CORO2A: variants seen among roughly 807,000 people sequenced by gnomAD.
The protein encoded by CORO2A is coronin-2A.
CORO2A carries 47 observed loss-of-function variants against 62.4 expected under a neutral mutation model. The observed-to-expected ratio is 0.75, with a 90% CI of 0.60 to 0.96. The LOEUF is 0.96. CORO2A is among the 40% of genes least tolerant of loss of function. The probability of loss-of-function intolerance (pLI) is 0.00; values close to 1 mark genes in which losing one functional copy is unlikely to be tolerated. For missense variants in CORO2A, 610 were observed against 684.1 expected, an observed-to-expected ratio of 0.89 and a Z score of 1.21; for synonymous variants, 273 against 268.9, an observed-to-expected ratio of 1.02 and a Z score of -0.15.
chr9:98,135,447 G>A (rs2118818388), intron 3 of CORO2A, among the ~76,000 whole-genome samples: 1 of 152,306 alleles, frequency 6.6e-6, no homozygotes, highest in East Asian at 1.9e-4. Flanking sequence ...CTTTGGAGGT[G>A]CACCCTGGAT....
At chr9:98,185,096 C>T (rs1387409097) in intron 1 of CORO2A, among the ~76,000 whole-genome samples, 1 of 152,178 alleles carries the variant, frequency 6.6e-6, no homozygotes, top group Non-Finnish European at 1.5e-5. Context: ...CCTTCATAGT[C>T]TGGCCGTCTC....
intron 1 of CORO2A, among the ~76,000 whole-genome samples, chr9:98,158,468 T>C (rs1827837135): frequency 6.6e-6 from 1 of 152,160 alleles, no homozygotes; most frequent in African/African-American, 2.4e-5. Context: ...AGCCTTATAT[T>C]TGTTCACTCA....
Position 98,157,594 on chromosome 9 carries a change from C to T in CORO2A, c.67G>A (p.Glu23Lys). 1.2e-6 allele frequency: 2 copies of T among 1,614,084 alleles called. No homozygotes were observed. The highest frequency in any genetic ancestry group is 1.7e-6 in the Non-Finnish European group (2 of 1,179,972). Residue 23 changes from glutamate (E) to lysine (K), a missense_variant, in exon 2 of 12, where the codon GAG (glutamate) becomes AAG (lysine). Glu to Lys is a moderately conservative substitution (Grantham distance 56). Coordinates refer to ENST00000375077, the MANE Select transcript of CORO2A (RefSeq NM_052820.4). ...RHVFGKPASK[E>K]NCYDSVPITR... ...ATAGGCACGGAGTCGTAGCAGTTCT[C>T]CTTGCTGGCTGGTTTGCCAAAGACA...
At chr9:98,181,357 T>TTC (rs754211156) in intron 1 of CORO2A, among the ~76,000 whole-genome samples, 1 of 147,790 alleles carries the variant, frequency 6.8e-6, no homozygotes. Flanking sequence ...TTTTTTTTTT[T>TTC]AAGAGATGAG....
chr9:98,135,932 T>C (rs903866453), intron 3 of CORO2A, among the ~76,000 whole-genome samples: 2 of 152,100 alleles, frequency 1.3e-5, no homozygotes, highest in African/African-American at 4.8e-5. Flanking sequence ...GTTTGGAAGA[T>C]GAAGGTACCA....
Position 98,130,939 on chromosome 9 carries a change from C to A in CORO2A, c.870+16G>T, listed in dbSNP as rs1259568856. On this transcript the variant is annotated intron_variant, in intron 7 of 11. Coordinates refer to ENST00000375077, the MANE Select transcript of CORO2A (RefSeq NM_052820.4). ...CAGGGGTCCAGGAGGTCACCTCCCTCCCGTGCCAAGCCGACCTTCCCCACC... is the reference window on the plus strand; with the variant it reads ...CAGGGGTCCAGGAGGTCACCTCCCTACCGTGCCAAGCCGACCTTCCCCACC... 2 of 1,608,120 alleles carry A rather than the reference C, an allele frequency of 1.2e-6. No individual in the cohort carries two copies. Among genetic ancestry groups the A allele is most frequent in the Non-Finnish European group, 1.7e-6 (2 of 1,176,150 alleles).
At chr9:98,164,190 T>G (rs530101195) in intron 1 of CORO2A, among the ~76,000 whole-genome samples, 102 of 152,334 alleles carry the variant, frequency 6.7e-4, no homozygotes, top group African/African-American at 2.4e-3. Context: ...AGTTACCCAG[T>G]TATTTCAAAA....
intron 2 of CORO2A, among the ~76,000 whole-genome samples, chr9:98,153,692 A>T (rs961602055): frequency 1.2e-4 from 17 of 145,058 alleles, no homozygotes; most frequent in African/African-American, 2.6e-4. Flanking sequence ...ACACACACAC[A>T]CTCACACACA....
chr9:98,149,818 T>G, intron 2 of CORO2A, among the ~76,000 whole-genome samples: 1 of 152,218 alleles, frequency 6.6e-6, no homozygotes, highest in East Asian at 1.9e-4. Flanking sequence ...GAGTCTGTGA[T>G]GATAGCAATT....
chr9:98,144,516 T>C (rs1827616397), intron 2 of CORO2A, among the ~76,000 whole-genome samples: 1 of 152,202 alleles, frequency 6.6e-6, no homozygotes, highest in African/African-American at 2.4e-5. Context: ...ATGCAGGTGA[T>C]GGCAGAGATG....
rs1177713500 is a variant in CORO2A at position 98,170,093 on chromosome 9, T to C, written c.1-12433A>G. On this transcript the variant is annotated intron_variant, in intron 1 of 11. Coordinates refer to ENST00000375077, the MANE Select transcript of CORO2A (RefSeq NM_052820.4). ...TTCTCATAGAATCTAGAAGATTAAA[T>C]GAAATAATGTATGTAAAAGACCTTG... is the stretch of plus-strand genomic sequence containing the variant. Among the ~76,000 whole-genome samples, 4 of 152,202 alleles carry C rather than the reference T, an allele frequency of 2.6e-5. No individual in the cohort carries two copies. In the East Asian group the frequency reaches 5.8e-4, roughly 22 times the overall value.
At chr9:98,168,732 G>C (rs1188706812) in intron 1 of CORO2A, among the ~76,000 whole-genome samples, 1 of 152,246 alleles carries the variant, frequency 6.6e-6, no homozygotes, top group African/African-American at 2.4e-5. Context: ...ACACACAACA[G>C]GTATATGCTG....
intron 1 of CORO2A, among the ~76,000 whole-genome samples, chr9:98,163,940 G>C (rs1329337847): frequency 6.6e-6 from 1 of 152,186 alleles, no homozygotes; most frequent in Non-Finnish European, 1.5e-5. Context: ...ACTGTTTGTG[G>C]CTTTAAGGAA....
intron 1 of CORO2A, among the ~76,000 whole-genome samples, chr9:98,168,466 T>A (rs1467752716): frequency 6.6e-6 from 1 of 152,248 alleles, no homozygotes; most frequent in Non-Finnish European, 1.5e-5. Context: ...GCCCCATTTT[T>A]AAGATAAGGA....
intron 1 of CORO2A, among the ~76,000 whole-genome samples, chr9:98,173,912 T>C (rs544312863): frequency 8.6e-5 from 13 of 151,744 alleles, no homozygotes; most frequent in African/African-American, 2.9e-4. Flanking sequence ...AGATCGGGAG[T>C]TCGAGACTAG....
At position 98,139,608 on chromosome 9, in the gene CORO2A, T is replaced by C. The variant is rs146949269; in HGVS notation, c.202-1920A>G. On this transcript the variant is annotated intron_variant, in intron 2 of 11. Coordinates refer to ENST00000375077, the MANE Select transcript of CORO2A (RefSeq NM_052820.4). ...TGCCACTGCGTTCCAGCCTGGGCAA[T>C]AGAGTGAGACTCCGTCTCAAAAATA... 2.3e-3 allele frequency among the ~76,000 whole-genome samples: 344 copies of C among 151,304 alleles called. 3 individuals carry two copies. Among genetic ancestry groups the C allele is most frequent in the African/African-American group, 7.8e-3 (323 of 41,226 alleles).
chr9:98,173,265 C>A (rs913063683), intron 1 of CORO2A, among the ~76,000 whole-genome samples: 3 of 152,346 alleles, frequency 2.0e-5, no homozygotes, highest in Middle Eastern at 3.4e-3. Context: ...AAGCCGCTGG[C>A]CCAGGGGCCA....
chr9:98,187,458 CAAAA>C (rs10532253), intron 1 of CORO2A, among the ~76,000 whole-genome samples: 70 of 127,464 alleles, frequency 5.5e-4, no homozygotes, highest in Middle Eastern at 4.0e-3. Context: ...AACTCCATCT[CAAAA>C]AAAAAAAAAA....
intron 1 of CORO2A, among the ~76,000 whole-genome samples, chr9:98,192,097 T>C (rs903417942): frequency 6.6e-6 from 1 of 152,158 alleles, no homozygotes; most frequent in Admixed American, 6.5e-5. Flanking sequence ...CCCCACCGTT[T>C]CCTGTACCAG....
Sources: allele counts gnomAD v4.1 joint callset (sites outside exome capture counted in the v4.1 genomes callset), GRCh38; gene constraint gnomAD v4.1.1; transcripts MANE v1.5; gene names NCBI Gene and HGNC (gene_info 2026-07-23, HGNC 2026-07-21).